ANKFN1: variants seen among roughly 807,000 people sequenced by gnomAD.
ANKFN1 encodes the protein ankyrin repeat and fibronectin type-III domain-containing protein 1.
Under a neutral mutation model 108.7 loss-of-function variants are expected in ANKFN1, and 74 were observed. The observed-to-expected ratio is 0.68, with a 90% CI of 0.56 to 0.83. ANKFN1 has a LOEUF of 0.83. ANKFN1 is among the 40% of genes least tolerant of loss of function. The probability of loss-of-function intolerance (pLI) is 0.00; values close to 1 mark genes in which losing one functional copy is unlikely to be tolerated. For missense variants in ANKFN1, 1,505 were observed against 1,382.3 expected, an observed-to-expected ratio of 1.09 and a Z score of -1.41; for synonymous variants, 547 against 516.2, an observed-to-expected ratio of 1.06 and a Z score of -0.81.
intron 2 of ANKFN1, among the ~76,000 whole-genome samples, chr17:56,222,896 G>A (rs929186500): frequency 1.3e-5 from 2 of 152,142 alleles, no homozygotes; most frequent in African/African-American, 4.8e-5. Context: ...ACGTCTAAAA[G>A]TAAATGTTCA....
chr17:56,262,681 A>G (rs1357849045), intron 3 of ANKFN1, among the ~76,000 whole-genome samples: 3 of 152,214 alleles, frequency 2.0e-5, no homozygotes, highest in African/African-American at 7.2e-5. Flanking sequence ...CGGGAGAACG[A>G]TCATCTTGAG....
At chr17:56,189,170 CTTTT>C (rs532063852) in intron 1 of ANKFN1, among the ~76,000 whole-genome samples, 1 of 85,288 alleles carries the variant, frequency 1.2e-5, no homozygotes, top group Admixed American at 1.6e-4. Context: ...GTTGCCCTGA[CTTTT>C]TTTTTTTTTT....
intron 4 of ANKFN1, among the ~76,000 whole-genome samples, chr17:56,331,089 G>A (rs554625535): frequency 2.7e-4 from 41 of 152,268 alleles, no homozygotes; most frequent in South Asian, 2.3e-3. Flanking sequence ...GTGACAGGCA[G>A]GTTGAAGCCT....
chr17:56,482,302 G>T, intron 17 of ANKFN1, 54 bp from the exon 18 acceptor site: 1 of 1,457,672 alleles, frequency 6.9e-7, no homozygotes, highest in Non-Finnish European at 9.2e-7. Context: ...TGTTGTTTAT[G>T]TAAGTGCCAT....
At chr17:56,462,462 C>T (rs995677641) in intron 14 of ANKFN1, among the ~76,000 whole-genome samples, 5 of 152,174 alleles carry the variant, frequency 3.3e-5, no homozygotes, top group East Asian at 1.9e-4. Context: ...GGCGTGGTGG[C>T]GCATGCCTAT....
At chr17:56,254,851 A>G (rs2043319532) in intron 3 of ANKFN1, among the ~76,000 whole-genome samples, 1 of 152,202 alleles carries the variant, frequency 6.6e-6, no homozygotes, top group Non-Finnish European at 1.5e-5. Flanking sequence ...GTGCTCTAGA[A>G]GGGAGGAATG....
At position 56,512,772 on chromosome 17, in the gene ANKFN1, T is replaced by TA. The variant is rs1374319204; in HGVS notation, c.*1508dup. 3.3e-5 allele frequency among the ~76,000 whole-genome samples: 5 copies of TA among 152,244 alleles called. No individual in the cohort carries two copies. Among genetic ancestry groups the TA allele is most frequent in the African/African-American group, 4.8e-5 (2 of 41,460 alleles). ...AATGTTATTCTGATCCCTTCCATTT[T>TA]AAAAACATTTGATTTAAACATAAAT... On this transcript the variant is annotated 3_prime_UTR_variant, in exon 21 of 21. Coordinates refer to ENST00000682825, the MANE Select transcript of ANKFN1 (RefSeq NM_001370326.1).
At chr17:56,152,755 A>G (rs1167148132), upstream of ANKFN1, among the ~76,000 whole-genome samples, 1 of 152,168 alleles carries the variant, frequency 6.6e-6, no homozygotes, top group Non-Finnish European at 1.5e-5. Context: ...ACTGCTCAAC[A>G]TACTCCTCCT....
Position 56,516,480 on chromosome 17 carries a change from G to T in ANKFN1, c.*5211G>T, listed in dbSNP as rs1046548977. 6.6e-6 allele frequency among the ~76,000 whole-genome samples: 1 copy of T among 152,120 alleles called. No individual in the cohort carries two copies. The highest frequency in any genetic ancestry group is 6.5e-5 in the Admixed American group (1 of 15,276). On this transcript the variant is annotated 3_prime_UTR_variant, in exon 21 of 21. Coordinates refer to ENST00000682825, the MANE Select transcript of ANKFN1 (RefSeq NM_001370326.1). The stretch of plus-strand genomic sequence containing the variant: ...TATGTTAAAGTTTAGACTTCAGTAC[G>T]CTATCTGCACAATTTTGTGTGCTTT...
At chr17:56,212,124 C>A (rs534577801) in intron 1 of ANKFN1, among the ~76,000 whole-genome samples, 3 of 151,408 alleles carry the variant, frequency 2.0e-5, no homozygotes, top group African/African-American at 7.3e-5. Flanking sequence ...TTCCAGTTCT[C>A]GGGGGAATGC....
At chr17:56,368,073 C>A in intron 6 of ANKFN1, 1 of 788,164 alleles carries the variant, frequency 1.3e-6, no homozygotes, top group Non-Finnish European at 1.8e-6. Flanking sequence ...GCCATCAGAT[C>A]CAGAGGCTAG....
intron 2 of ANKFN1, among the ~76,000 whole-genome samples, chr17:56,222,970 G>A (rs534770501): frequency 1.3e-5 from 2 of 152,298 alleles, no homozygotes; most frequent in African/African-American, 4.8e-5. Flanking sequence ...AAATGTCTAT[G>A]AATATGGGAT....
At chr17:56,047,005 C>T (rs1464238353) in intron 4 of ANKFN1, among the ~76,000 whole-genome samples, 3 of 151,726 alleles carry the variant, frequency 2.0e-5, no homozygotes, top group African/African-American at 4.8e-5. Flanking sequence ...TTAAATTAAG[C>T]CCTGAAATTT....
chr17:56,510,872 A>G lies in ANKFN1; in HGVS notation c.3044A>G (p.His1015Arg), dbSNP rs1053617537. Residue 1015 changes from histidine to arginine, a missense_variant, in exon 21 of 21, where the codon CAT becomes CGT. Transcript: ENST00000682825. ...HPHYGGFSRHHRWLRIHSETQ... is the reference protein window; with the variant it reads ...HPHYGGFSRHRRWLRIHSETQ... ...CACTATGGCGGCTTCAGCCGCCATC[A>G]TCGCTGGTTGCGCATCCACAGCGAG... is the stretch of plus-strand genomic sequence containing the variant. 1.3e-6 allele frequency: 2 copies of G among 1,536,144 alleles called. No homozygotes were observed. The highest frequency in any genetic ancestry group is 3.9e-5 in the Admixed American group (2 of 51,008).
intron 4 of ANKFN1, among the ~76,000 whole-genome samples, chr17:56,089,275 A>G (rs1369662214): frequency 6.6e-6 from 1 of 151,400 alleles, no homozygotes; most frequent in Non-Finnish European, 1.5e-5. Flanking sequence ...ACTCCATCAT[A>G]CTACATCCTC....
At chr17:56,055,396 A>G (rs184587930) in intron 4 of ANKFN1, among the ~76,000 whole-genome samples, 2 of 150,602 alleles carry the variant, frequency 1.3e-5, no homozygotes, top group African/African-American at 4.9e-5. Context: ...GCTGCAAAGG[A>G]CATGATTTCA....
At chr17:56,331,018 C>T (rs1453782921) in intron 4 of ANKFN1, among the ~76,000 whole-genome samples, 1 of 152,146 alleles carries the variant, frequency 6.6e-6, no homozygotes, top group African/African-American at 2.4e-5. Flanking sequence ...CACTCAAAGA[C>T]ACACCTGTTA....
At chr17:56,391,364 ATATATGTGTGTGTGTG>A (rs889130072) in intron 8 of ANKFN1, among the ~76,000 whole-genome samples, 1 of 86,566 alleles carries the variant, frequency 1.2e-5, no homozygotes, top group Non-Finnish European at 2.1e-5. Context: ...GAATACATAT[ATATATGTGTGTGTGTG>A]TGTGTGTGTG....
At chr17:56,506,788 A>G (rs2051584026) in intron 20 of ANKFN1, among the ~76,000 whole-genome samples, 1 of 152,082 alleles carries the variant, frequency 6.6e-6, no homozygotes, top group South Asian at 2.1e-4. Context: ...AGTCATGGAA[A>G]TGCTAAGGTG....
Sources: gnomAD v4.1 joint callset for allele counts (sites outside exome capture counted in the v4.1 genomes callset) on GRCh38, gnomAD v4.1.1 for gene constraint, MANE v1.5 for transcripts, NCBI Gene and HGNC (gene_info 2026-07-23, HGNC 2026-07-21) for gene names.